RNF169: variants seen among roughly 807,000 people sequenced by gnomAD.
RNF169 encodes the protein E3 ubiquitin-protein ligase RNF169.
Under a neutral mutation model 53.9 loss-of-function variants are expected in RNF169, and 24 were observed. The ratio of observed to expected loss-of-function variants is 0.45; its 90% confidence interval spans 0.32 to 0.63. The LOEUF (loss-of-function observed/expected upper bound fraction) is 0.63, where lower values mean the gene tolerates loss of function less well. Ranked by LOEUF, RNF169 falls within the 20% of genes least tolerant of loss-of-function variation. The probability of loss-of-function intolerance (pLI) is 0.04; values close to 1 mark genes in which losing one functional copy is unlikely to be tolerated. For synonymous variants in RNF169, 396 were observed against 363.5 expected, an observed-to-expected ratio of 1.09 and a Z score of -1.02; for missense variants, 883 against 906.2, an observed-to-expected ratio of 0.97 and a Z score of 0.33.
chr11:74,758,796 G>A (rs555299785), intron 1 of RNF169, among the ~76,000 whole-genome samples: 15 of 152,106 alleles, frequency 9.9e-5, no homozygotes, highest in East Asian at 1.9e-4. Flanking sequence ...GAGCCACCGC[G>A]CCCGGCCGTC....
In RNF169 at chr11:74,801,769, C is replaced by T. The variant is rs192488904; in HGVS notation, c.577-8415C>T. Among the ~76,000 whole-genome samples the T allele has an allele frequency of 8.7e-4, 133 of 152,240 alleles. 1 individual carries two copies. The highest frequency in any genetic ancestry group is 1.6e-3 in the Non-Finnish European group (111 of 68,012). ...ATAGTGAGACTCTGTCTCTAAAAAG[C>T]AAAGAGGATGATATTTAATAGAGAC... On this transcript the variant is annotated intron_variant, in intron 2 of 5. Coordinates refer to ENST00000299563, the MANE Select transcript of RNF169 (RefSeq NM_001098638.2).
chr11:74,774,870 G>A (rs532189665), intron 1 of RNF169, among the ~76,000 whole-genome samples: 83 of 152,206 alleles, frequency 5.5e-4, no homozygotes, highest in Admixed American at 7.2e-4. Context: ...GAGGTGGGAG[G>A]ATTGCTTGAA....
At chr11:74,757,548 T>G (rs1334846632) in intron 1 of RNF169, among the ~76,000 whole-genome samples, 1 of 127,644 alleles carries the variant, frequency 7.8e-6, no homozygotes, top group Non-Finnish European at 1.6e-5. Flanking sequence ...GTATTTCTAG[T>G]TCTAGATCCC....
chr11:74,792,125 T>C (rs778668712), intron 2 of RNF169, among the ~76,000 whole-genome samples: 6 of 152,258 alleles, frequency 3.9e-5, no homozygotes, highest in Non-Finnish European at 8.8e-5. Flanking sequence ...TGAATCTTCG[T>C]GCTTCATTTA....
At chr11:74,810,429 C>T (rs2035859712) in intron 3 of RNF169, 99 bp downstream of exon 3, 1 of 1,022,800 alleles carries the variant, frequency 9.8e-7, no homozygotes, top group African/African-American at 1.6e-5. Context: ...ATTGTGAGAC[C>T]AGTAACAGTC....
rs534298520 is a variant in RNF169 at position 74,831,278 on chromosome 11, T to C, written c.843-3398T>C. On this transcript the variant is annotated intron_variant, in intron 4 of 5. Coordinates refer to ENST00000299563, the MANE Select transcript of RNF169 (RefSeq NM_001098638.2). ...TCCATGAAATAATTGTTAAAGCTAA[T>C]AGACAAATTTTAGCAAAGTTGCAAG... 5.9e-5 allele frequency: 9 copies of C among 152,288 alleles called. No homozygotes were observed. The South Asian group carries it at 8.3e-4, about 14-fold the overall frequency. 9.4% of individuals were successfully genotyped at this position (152,288 alleles called of 1,614,324 possible).
chr11:74,799,671 G>A lies in RNF169; in HGVS notation c.576+9972G>A, dbSNP rs574499982. On this transcript the variant is annotated intron_variant, in intron 2 of 5. Coordinates refer to ENST00000299563, the MANE Select transcript of RNF169 (RefSeq NM_001098638.2). ...TTTTCCAGAAGCTGTTACAACTGTT[G>A]TCTCTAGTATAAAATAAAATATTTT... Among the ~76,000 whole-genome samples, 154 of 152,172 alleles carry A rather than the reference G, an allele frequency of 1.0e-3. 1 individual carries two copies. In the South Asian group the frequency reaches 0.031, roughly 31 times the overall value.
At chr11:74,828,059 G>A (rs910976766) in intron 4 of RNF169, among the ~76,000 whole-genome samples, 1 of 152,176 alleles carries the variant, frequency 6.6e-6, no homozygotes, top group Non-Finnish European at 1.5e-5. Flanking sequence ...GTTTGCAGAT[G>A]ACATGATTCT....
intron 2 of RNF169, among the ~76,000 whole-genome samples, chr11:74,801,049 G>T (rs778605144): frequency 6.6e-6 from 1 of 152,098 alleles, no homozygotes; most frequent in African/African-American, 2.4e-5. Context: ...TATTATTTTT[G>T]CATAAATATT....
chr11:74,779,597 CTT>C (rs1212983383), intron 1 of RNF169, among the ~76,000 whole-genome samples: 1 of 151,946 alleles, frequency 6.6e-6, no homozygotes, highest in African/African-American at 2.4e-5. Flanking sequence ...ATGGGAAACA[CTT>C]TAGTTTGGTT....
chr11:74,807,099 T>G (rs1282041601), intron 2 of RNF169, among the ~76,000 whole-genome samples: 1 of 152,168 alleles, frequency 6.6e-6, no homozygotes, highest in Non-Finnish European at 1.5e-5. Flanking sequence ...AAAAATGACC[T>G]CATTTACAGT....
chr11:74,751,674 T>C (rs139618305), intron 1 of RNF169, among the ~76,000 whole-genome samples: 223 of 152,362 alleles, frequency 1.5e-3, no homozygotes, highest in Non-Finnish European at 2.3e-3. Context: ...CATTAATTAC[T>C]TTATATGTTT....
chr11:74,816,191 C>T (rs1417037014), intron 3 of RNF169, among the ~76,000 whole-genome samples: 1 of 152,202 alleles, frequency 6.6e-6, no homozygotes, highest in Non-Finnish European at 1.5e-5. Context: ...TGATGCCTTG[C>T]GTGCCTACAT....
intron 1 of RNF169, among the ~76,000 whole-genome samples, chr11:74,789,419 A>G (rs1245288500): frequency 6.6e-6 from 1 of 152,218 alleles, no homozygotes; most frequent in African/African-American, 2.4e-5. Context: ...AGACCACCAA[A>G]TATACATTGA....
chr11:74,818,604 G>C (rs2035970199), intron 4 of RNF169, among the ~76,000 whole-genome samples: 1 of 152,042 alleles, frequency 6.6e-6, no homozygotes, highest in Non-Finnish European at 1.5e-5. Flanking sequence ...GTGTTGCCCA[G>C]GCTGGTCTTG....
At chr11:74,786,471 C>T (rs1949649701) in intron 1 of RNF169, among the ~76,000 whole-genome samples, 1 of 151,974 alleles carries the variant, frequency 6.6e-6, no homozygotes, top group Non-Finnish European at 1.5e-5. Context: ...CTGTGTTGCT[C>T]AGGCTGGTCT....
intron 1 of RNF169, among the ~76,000 whole-genome samples, chr11:74,770,750 C>T (rs959396823): frequency 2.6e-5 from 4 of 152,174 alleles, no homozygotes; most frequent in African/African-American, 9.7e-5. Context: ...GCAGGTTTCT[C>T]TTACCCATTG....
chr11:74,824,153 G>A (rs1351024295), intron 4 of RNF169, among the ~76,000 whole-genome samples: 1 of 151,912 alleles, frequency 6.6e-6, no homozygotes, highest in African/African-American at 2.4e-5. Context: ...AAGAACTAAA[G>A]GAAACCATGA....
rs1565193612 is a variant in RNF169, at chr11:74,840,909, A to G, written c.*4179A>G. The G allele has an allele frequency of 6.6e-6, 1 of 151,826 alleles. No homozygotes were observed. The highest frequency in any genetic ancestry group is 2.4e-5 in the African/African-American group (1 of 41,316). The allele number at this position is 151,826 out of a possible 1,614,324, so 9.4% of individuals were successfully genotyped here. A position where few individuals can be genotyped will look rare whatever the true frequency, so the allele number is the denominator to read the frequency against. On this transcript the variant is annotated 3_prime_UTR_variant, in exon 6 of 6. Coordinates refer to ENST00000299563, the MANE Select transcript of RNF169 (RefSeq NM_001098638.2). Reference sequence around the variant, plus strand: ...TTGACACACGCAGACACACGCACCAATGATGGGGATACCCCCAAATGATTT... The same window carrying G: ...TTGACACACGCAGACACACGCACCAGTGATGGGGATACCCCCAAATGATTT...
Sources: gnomAD v4.1 joint callset for allele counts (sites outside exome capture counted in the v4.1 genomes callset) on GRCh38, gnomAD v4.1.1 for gene constraint, MANE v1.5 for transcripts, NCBI Gene and HGNC (gene_info 2026-07-23, HGNC 2026-07-21) for gene names.